DNAJC6: variants seen among roughly 807,000 people sequenced by gnomAD.
DNAJC6 encodes the protein DnaJ heat shock protein family (Hsp40) member C6, also known as auxilin.
DNAJC6 carries 34 observed loss-of-function variants against 110.0 expected under a neutral mutation model. That is an observed-to-expected ratio of 0.31 (90% confidence interval 0.24 to 0.41). The LOEUF (loss-of-function observed/expected upper bound fraction) is 0.41. DNAJC6 is among the 10% of genes least tolerant of loss of function. The pLI is 1.00. For synonymous variants in DNAJC6, 406 were observed against 437.2 expected, an observed-to-expected ratio of 0.93 and a Z score of 0.89; for missense variants, 1,031 against 1,207.8, an observed-to-expected ratio of 0.85 and a Z score of 2.17.
intron 6 of DNAJC6, 39 bp from the exon 7 acceptor site, chr1:65,385,673 T>A: frequency 7.0e-7 from 1 of 1,435,992 alleles, no homozygotes; most frequent in Non-Finnish European, 9.3e-7. Context: ...CTTCTCCTGA[T>A]GTGATGGGCC....
At chr1:65,284,884 C>T (rs1207856034) in intron 1 of DNAJC6, among the ~76,000 whole-genome samples, 2 of 151,984 alleles carry the variant, frequency 1.3e-5, no homozygotes, top group African/African-American at 4.8e-5. Flanking sequence ...GATGGGGTTT[C>T]ACCACGTTGG....
chr1:65,352,709 G>A (rs1001818907), intron 1 of DNAJC6, among the ~76,000 whole-genome samples: 2 of 152,130 alleles, frequency 1.3e-5, no homozygotes, highest in Non-Finnish European at 2.9e-5. Flanking sequence ...CTTTTCTGGA[G>A]AACAGTAATT....
chr1:65,342,848 G>A (rs767729523), intron 1 of DNAJC6, among the ~76,000 whole-genome samples: 7 of 152,142 alleles, frequency 4.6e-5, no homozygotes, highest in Non-Finnish European at 1.0e-4. Context: ...GTTCAATTAA[G>A]TGTCCTTTTT....
chr1:65,279,093 C>T (rs910102337), intron 1 of DNAJC6: 16 of 985,402 alleles, frequency 1.6e-5, no homozygotes, highest in Non-Finnish European at 1.9e-5. Context: ...AAATTCGTGC[C>T]TGTGAAATCT....
chr1:65,398,900 C>G lies in DNAJC6; in HGVS notation c.2107+19C>G. 6.2e-7 allele frequency: 1 copy of G among 1,613,048 alleles called. No individual in the cohort carries two copies. Among genetic ancestry groups the G allele is most frequent in the Non-Finnish European group, 8.5e-7 (1 of 1,179,232 alleles). ...AAACCAGGTAAAAGCAGGTTATTTT[C>G]TGTACACATTTATATAATTGCAAAA... On this transcript the variant is annotated intron_variant, in intron 14 of 18. Coordinates refer to ENST00000371069, the MANE Select transcript of DNAJC6 (RefSeq NM_001256864.2).
At chr1:65,368,726 T>TTCC in intron 4 of DNAJC6, among the ~76,000 whole-genome samples, 1 of 46,392 alleles carries the variant, frequency 2.2e-5, no homozygotes, top group Non-Finnish European at 3.3e-5. Context: ...CCTCTTCTTC[T>TTCC]TCTTCTTCTT....
chr1:65,313,850 G>A (rs1256366736), intron 1 of DNAJC6, among the ~76,000 whole-genome samples: 1 of 152,108 alleles, frequency 6.6e-6, no homozygotes, highest in Non-Finnish European at 1.5e-5. Context: ...AGAAAAGGTT[G>A]TCATTTAAAG....
chr1:65,336,287 A>G (rs769286720), intron 1 of DNAJC6, among the ~76,000 whole-genome samples: 56 of 152,210 alleles, frequency 3.7e-4, no homozygotes, highest in Middle Eastern at 3.4e-3. Flanking sequence ...ACTCACCACT[A>G]TCACGAGAAC....
chr1:65,389,527 A>G lies in DNAJC6; in HGVS notation c.1388-20A>G, dbSNP rs372634207. On this transcript the variant is annotated intron_variant, in intron 10 of 18. Coordinates refer to ENST00000371069, the MANE Select transcript of DNAJC6 (RefSeq NM_001256864.2). ...ATTTCCTGTGTCTCATTGATGCTAC[A>G]TGGTCTTTTTGTCTTGCAGGACAGG... 34 of 1,614,032 alleles carry G rather than the reference A, an allele frequency of 2.1e-5. No individual in the cohort carries two copies. Among genetic ancestry groups the G allele is most frequent in the South Asian group, 4.4e-5 (4 of 91,076 alleles).
At chr1:65,280,998 T>C (rs1054068233) in intron 1 of DNAJC6, among the ~76,000 whole-genome samples, 7 of 152,034 alleles carry the variant, frequency 4.6e-5, no homozygotes, top group Non-Finnish European at 8.8e-5. Context: ...TGCAGTGGTG[T>C]AATCTTGGCT....
chr1:65,325,065 G>T (rs1645230273), intron 1 of DNAJC6, among the ~76,000 whole-genome samples: 1 of 152,168 alleles, frequency 6.6e-6, no homozygotes, highest in East Asian at 1.9e-4. Flanking sequence ...CTACCAGGCT[G>T]CAGGAGGTTC....
chr1:65,409,219 T>TG (rs918793459), intron 17 of DNAJC6, among the ~76,000 whole-genome samples: 5 of 152,114 alleles, frequency 3.3e-5, no homozygotes, highest in Admixed American at 2.6e-4. Context: ...ATAGCAATTT[T>TG]GGGGGGACAC....
At chr1:65,291,220 A>G (rs1644872309) in intron 1 of DNAJC6, among the ~76,000 whole-genome samples, 1 of 152,112 alleles carries the variant, frequency 6.6e-6, no homozygotes, top group Non-Finnish European at 1.5e-5. Flanking sequence ...TTTATTAGAG[A>G]CGGGGTTTCA....
At chr1:65,275,393 A>T (rs977044501) in intron 1 of DNAJC6, among the ~76,000 whole-genome samples, 1 of 152,188 alleles carries the variant, frequency 6.6e-6, no homozygotes, top group African/African-American at 2.4e-5. Context: ...ACTTTAAAAC[A>T]TGTTATCCCA....
chr1:65,364,718 A>G lies in DNAJC6; in HGVS notation c.277A>G (p.Asn93Asp). 1 of 1,612,596 alleles carries G rather than the reference A, an allele frequency of 6.2e-7. No individual in the cohort carries two copies. Among genetic ancestry groups the G allele is most frequent in the Non-Finnish European group, 8.5e-7 (1 of 1,179,552 alleles). ...VKGGAGRLFSNLKDNLKDTLK... is the reference protein window; with the variant it reads ...VKGGAGRLFSDLKDNLKDTLK... ...AGGAGGTGCAGGGAGGCTCTTTAGTAACCTAAAGGACAACTTGAAAGACAC... is the reference window on the plus strand; with the variant it reads ...AGGAGGTGCAGGGAGGCTCTTTAGTGACCTAAAGGACAACTTGAAAGACAC... The change falls in exon 2 of 19, where the codon AAC (asparagine) becomes GAC (aspartate). Residue 93 changes from asparagine to aspartate, a missense_variant. By Grantham distance (23) the Asn-to-Asp change is conservative. Transcript: ENST00000371069.
chr1:65,349,993 C>T (rs1645476232), intron 1 of DNAJC6, among the ~76,000 whole-genome samples: 1 of 152,152 alleles, frequency 6.6e-6, no homozygotes. Context: ...TCTACAATGT[C>T]CACGACAGGC....
chr1:65,330,308 T>C (rs1199399491), intron 1 of DNAJC6, among the ~76,000 whole-genome samples: 1 of 152,234 alleles, frequency 6.6e-6, no homozygotes, highest in Non-Finnish European at 1.5e-5. Context: ...GAGATGCCAC[T>C]ATGTACCAGG....
chr1:65,329,992 G>A (rs1444074053), intron 1 of DNAJC6, among the ~76,000 whole-genome samples: 2 of 152,070 alleles, frequency 1.3e-5, no homozygotes, highest in Non-Finnish European at 2.9e-5. Context: ...GGATTTTTCT[G>A]GGTTTACCTC....
chr1:65,337,356 T>C (rs1402056817), intron 1 of DNAJC6, among the ~76,000 whole-genome samples: 1 of 151,732 alleles, frequency 6.6e-6, no homozygotes, highest in Non-Finnish European at 1.5e-5. Context: ...TCATCAGATA[T>C]TTGGTTATCC....
Sources: gnomAD v4.1 joint callset for allele counts (sites outside exome capture counted in the v4.1 genomes callset) on GRCh38, gnomAD v4.1.1 for gene constraint, MANE v1.5 for transcripts, NCBI Gene and HGNC (gene_info 2026-07-23, HGNC 2026-07-21) for gene names.